Variants in PTCHD4 observed in about 807,000 individuals in gnomAD.
The protein encoded by PTCHD4 is patched domain containing 4.
A neutral mutation model predicts 58.1 loss-of-function variants in PTCHD4; 33 were observed. That is an observed-to-expected ratio of 0.57 (90% CI 0.43 to 0.76). PTCHD4 has a LOEUF of 0.76. PTCHD4 is among the 30% of genes least tolerant of loss of function. The pLI, the probability that PTCHD4 is intolerant of heterozygous loss-of-function variation, is 0.00. For missense variants in PTCHD4, 1,058 were observed against 1,027.1 expected (o/e 1.03, Z -0.41); for synonymous variants, 478 against 409.6 (o/e 1.17, Z -2.02).
At chr6:47,993,495 C>T (rs373488777) in intron 4 of PTCHD4, among the ~76,000 whole-genome samples, 6 of 152,096 alleles carry the variant, frequency 3.9e-5, no homozygotes, top group African/African-American at 9.7e-5. Context: ...AAAGGAGATG[C>T]AATGCACAAT....
At chr6:48,081,315 A>C (rs1562042914) in intron 1 of PTCHD4, among the ~76,000 whole-genome samples, 1 of 152,242 alleles carries the variant, frequency 6.6e-6, no homozygotes, top group South Asian at 2.1e-4. Flanking sequence ...AGCAAGACTG[A>C]CATTTCTGCT....
At chr6:47,969,665 T>C (rs1367059283) in intron 4 of PTCHD4, among the ~76,000 whole-genome samples, 1 of 152,110 alleles carries the variant, frequency 6.6e-6, no homozygotes, top group African/African-American at 2.4e-5. Context: ...TAGAAGGAAA[T>C]ATTCTTTTAG....
intron 4 of PTCHD4, among the ~76,000 whole-genome samples, chr6:47,956,497 G>A (rs575822032): frequency 6.6e-6 from 1 of 151,850 alleles, no homozygotes; most frequent in South Asian, 2.1e-4. Flanking sequence ...GCAGTGGCAT[G>A]ATCTCGGCTT....
At chr6:48,087,102 CCT>C (rs1488952735) in intron 1 of PTCHD4, among the ~76,000 whole-genome samples, 1 of 152,152 alleles carries the variant, frequency 6.6e-6, no homozygotes, top group East Asian at 1.9e-4. Context: ...CCAATCCTCC[CCT>C]CTTTTCTATG....
rs549718994 is a variant in PTCHD4 at position 48,087,935 on chromosome 6, C to G, written c.-969-18009G>C. Among the ~76,000 whole-genome samples, 3 of 152,162 alleles carry G rather than the reference C, an allele frequency of 2.0e-5. No homozygotes were observed. The East Asian group carries it at 5.8e-4, about 29-fold the overall frequency. ...TAGTTAAATCATGTAGTATACAGAA[C>G]ATGTTGACATAAAAACAACTAACTT... On this transcript the variant is annotated intron_variant, in intron 1 of 4. Transcript: ENST00000339488.
chr6:48,035,911 G>A (rs549844136), intron 3 of PTCHD4, among the ~76,000 whole-genome samples: 1 of 152,160 alleles, frequency 6.6e-6, no homozygotes, highest in South Asian at 2.1e-4. Context: ...ATTCAGAGTT[G>A]AGCCTTATCT....
intron 3 of PTCHD4, among the ~76,000 whole-genome samples, chr6:48,062,173 A>C (rs1366976498): frequency 6.6e-6 from 1 of 152,236 alleles, no homozygotes; most frequent in Non-Finnish European, 1.5e-5. Context: ...TTCACTTGTA[A>C]TATAGAATTA....
intron 1 of PTCHD4, among the ~76,000 whole-genome samples, chr6:48,070,155 G>GTGTGTGTATA (rs1554180455): frequency 1.0e-5 from 1 of 100,266 alleles, no homozygotes; most frequent in Non-Finnish European, 2.2e-5. Flanking sequence ...GTGTGTGTGT[G>GTGTGTGTATA]TATATATATA....
At chr6:47,919,666 G>T (rs1765372252) in intron 4 of PTCHD4, among the ~76,000 whole-genome samples, 1 of 152,178 alleles carries the variant, frequency 6.6e-6, no homozygotes, top group South Asian at 2.1e-4. Context: ...ATCAGGATAA[G>T]AAGTTTGCAT....
At chr6:47,925,503 G>A (rs1765580461) in intron 4 of PTCHD4, among the ~76,000 whole-genome samples, 1 of 152,168 alleles carries the variant, frequency 6.6e-6, no homozygotes, top group African/African-American at 2.4e-5. Flanking sequence ...TCTTAGAGAA[G>A]AGTGGCACCA....
chr6:48,098,344 T>TCTTCTTCTTCTTC (rs1172430988), intron 1 of PTCHD4, among the ~76,000 whole-genome samples: 69 of 137,734 alleles, frequency 5.0e-4, no homozygotes, highest in South Asian at 7.0e-4. Flanking sequence ...TTCTTCTTCT[T>TCTTCTTCTTCTTC]TTTTTTTTTT....
chr6:48,002,074 C>A (rs1768745036), intron 4 of PTCHD4, among the ~76,000 whole-genome samples: 1 of 152,166 alleles, frequency 6.6e-6, no homozygotes, highest in African/African-American at 2.4e-5. Context: ...CCATCACACA[C>A]CAGTTAGAAT....
intron 4 of PTCHD4, among the ~76,000 whole-genome samples, chr6:47,948,054 T>A (rs970899923): frequency 1.3e-5 from 2 of 152,150 alleles, no homozygotes; most frequent in Non-Finnish European, 2.9e-5. Flanking sequence ...GGGTCAGGAG[T>A]CAGGCATAAC....
intron 1 of PTCHD4, among the ~76,000 whole-genome samples, chr6:48,076,948 T>C (rs1031326657): frequency 2.0e-5 from 3 of 152,222 alleles, no homozygotes; most frequent in Non-Finnish European, 2.9e-5. Context: ...TATGGGCGCA[T>C]ACTATTAAGT....
At chr6:47,981,421 G>C (rs775624936) in intron 4 of PTCHD4, among the ~76,000 whole-genome samples, 1 of 150,066 alleles carries the variant, frequency 6.7e-6, no homozygotes, top group African/African-American at 2.5e-5. Flanking sequence ...TCTTTTTGCT[G>C]TCTCTTCAGT....
chr6:48,082,559 T>C (rs1765186265), intron 1 of PTCHD4, among the ~76,000 whole-genome samples: 1 of 152,172 alleles, frequency 6.6e-6, no homozygotes, highest in Non-Finnish European at 1.5e-5. Context: ...AAAATAAGAC[T>C]CTTCTATCCA....
At chr6:47,925,282 T>C (rs1006757056) in intron 4 of PTCHD4, among the ~76,000 whole-genome samples, 6 of 151,958 alleles carry the variant, frequency 3.9e-5, no homozygotes, top group Admixed American at 3.3e-4. Context: ...AAGTTTGTTT[T>C]TGGTTTATTG....
chr6:48,043,841 G>A (rs1763937932), intron 3 of PTCHD4, among the ~76,000 whole-genome samples: 1 of 151,834 alleles, frequency 6.6e-6, no homozygotes, highest in South Asian at 2.1e-4. Context: ...CAGAATTCTA[G>A]CAGATCTTAA....
At chr6:48,087,243 C>G (rs972951234) in intron 1 of PTCHD4, among the ~76,000 whole-genome samples, 3 of 152,184 alleles carry the variant, frequency 2.0e-5, no homozygotes, top group Non-Finnish European at 2.9e-5. Context: ...TTTTTCTCCT[C>G]TGGTCTGTCC....
Sources: allele counts gnomAD v4.1 joint callset (sites outside exome capture counted in the v4.1 genomes callset), GRCh38; gene constraint gnomAD v4.1.1; transcripts MANE v1.5; gene names NCBI Gene and HGNC (gene_info 2026-07-23, HGNC 2026-07-21).